Variants in SEMA3A observed in about 807,000 individuals in gnomAD.
SEMA3A encodes the protein semaphorin-3A.
A neutral mutation model predicts 97.9 loss-of-function variants in SEMA3A; 29 were observed. The observed-to-expected ratio is 0.30, with a 90% CI of 0.22 to 0.40. The LOEUF (loss-of-function observed/expected upper bound fraction) is 0.40, where lower values mean the gene tolerates loss of function less well. Ranked by LOEUF, SEMA3A falls within the 10% of genes least tolerant of loss-of-function variation. SEMA3A has a pLI of 1.00. For missense variants in SEMA3A, 763 were observed against 951.3 expected (o/e 0.80, Z 2.60); for synonymous variants, 321 against 323.7 (o/e 0.99, Z 0.09).
In SEMA3A at chr7:84,060,462, C is replaced by T. The variant is rs1157547070; in HGVS notation, c.547+3G>A. ...ACTATTTAATTGATTGTTGACTACG[C>T]ACCTATTAAAAGGGATGCTGTCAGC... On this transcript the variant is annotated splice_donor_region_variant and intron_variant, in intron 5 of 16. Transcript: ENST00000265362. 6.4e-7 allele frequency: 1 copy of T among 1,565,994 alleles called. No homozygotes were observed.
At chr7:83,989,720 T>A (rs60880071) in intron 12 of SEMA3A, among the ~76,000 whole-genome samples, 5,239 of 141,184 alleles carry the variant, frequency 0.037, 300 homozygotes, top group African/African-American at 0.13. Flanking sequence ...TCTATCATTG[T>A]TGGACATTTG....
chr7:84,197,458 A>G (rs1465381793), upstream of SEMA3A, among the ~76,000 whole-genome samples: 1 of 152,236 alleles, frequency 6.6e-6, no homozygotes, highest in African/African-American at 2.4e-5. Flanking sequence ...AAATGAAAGA[A>G]GAAAGTAAAT....
chr7:84,135,236 G>A (rs1002360526), intron 1 of SEMA3A, among the ~76,000 whole-genome samples: 5 of 150,816 alleles, frequency 3.3e-5, no homozygotes, highest in Admixed American at 2.7e-4. Context: ...TCAGCCTCCC[G>A]AGTAGCTGGG....
At chr7:84,370,678 C>T (rs1334409040) in intron 2 of SEMA3A, among the ~76,000 whole-genome samples, 1 of 151,400 alleles carries the variant, frequency 6.6e-6, no homozygotes, top group Admixed American at 6.6e-5. Flanking sequence ...TTGTTTAGAC[C>T]TCAAATATAC....
At chr7:84,328,779 T>TC (rs1801835075) in intron 2 of SEMA3A, among the ~76,000 whole-genome samples, 1 of 151,988 alleles carries the variant, frequency 6.6e-6, no homozygotes, top group Non-Finnish European at 1.5e-5. Flanking sequence ...TGAAATGCAG[T>TC]CTCAGCAGAA....
chr7:84,212,733 T>C (rs1285886111), intron 3 of SEMA3A, among the ~76,000 whole-genome samples: 1 of 152,220 alleles, frequency 6.6e-6, no homozygotes, highest in African/African-American at 2.4e-5. Flanking sequence ...CAATGTGGTG[T>C]GGAAACCAGC....
intron 3 of SEMA3A, among the ~76,000 whole-genome samples, chr7:84,292,354 T>C (rs529936531): frequency 1.3e-4 from 20 of 152,120 alleles, no homozygotes; most frequent in African/African-American, 3.9e-4. Flanking sequence ...AGTTGAAAAA[T>C]TTCTGCTAAG....
At chr7:84,085,998 A>G (rs551820829) in intron 4 of SEMA3A, among the ~76,000 whole-genome samples, 2 of 152,256 alleles carry the variant, frequency 1.3e-5, no homozygotes, top group Non-Finnish European at 2.9e-5. Flanking sequence ...GCTTCCAAAG[A>G]TATGTAGCCA....
At chr7:84,417,946 T>C (rs1224887126) in intron 1 of SEMA3A, among the ~76,000 whole-genome samples, 1 of 152,162 alleles carries the variant, frequency 6.6e-6, no homozygotes, top group Non-Finnish European at 1.5e-5. Context: ...TAAATACTTA[T>C]TTCTCATACC....
chr7:84,426,317 T>TAGAC (rs71732441), intron 1 of SEMA3A, among the ~76,000 whole-genome samples: 7 of 148,614 alleles, frequency 4.7e-5, no homozygotes, highest in Non-Finnish European at 7.5e-5. Flanking sequence ...GATAGATAGA[T>TAGAC]AGACAGACAA....
In SEMA3A at chr7:84,292,008, A is replaced by G. The variant is rs540235758; in HGVS notation, c.-83+15199T>C. On this transcript the variant is annotated intron_variant, in intron 3 of 3. Coordinates refer to the SEMA3A transcript ENST00000424555. The stretch of plus-strand genomic sequence containing the variant: ...TGAGGTCTCTTACCGAATTAGGCAG[A>G]CTTTTTCACTGAAACCCATGGAGCA... Among the ~76,000 whole-genome samples, 12 of 152,282 alleles carry G rather than the reference A, an allele frequency of 7.9e-5. No individual in the cohort carries two copies. The South Asian group carries it at 2.5e-3, about 32-fold the overall frequency.
At chr7:84,330,508 G>C (rs1207691862) in intron 2 of SEMA3A, among the ~76,000 whole-genome samples, 2 of 151,908 alleles carry the variant, frequency 1.3e-5, no homozygotes, top group Non-Finnish European at 2.9e-5. Context: ...GTAAACATTC[G>C]GAAGATATCA....
intron 3 of SEMA3A, among the ~76,000 whole-genome samples, chr7:84,284,286 C>T (rs933123414): frequency 1.4e-4 from 22 of 152,222 alleles, no homozygotes; most frequent in African/African-American, 5.1e-4. Context: ...AAGGGACTAC[C>T]TACTAAAGGA....
At chr7:84,402,030 C>T (rs868486438) in intron 1 of SEMA3A, among the ~76,000 whole-genome samples, 5 of 152,014 alleles carry the variant, frequency 3.3e-5, no homozygotes, top group African/African-American at 1.2e-4. Flanking sequence ...TTCTACACAG[C>T]AAAGGAAACA....
At chr7:84,369,889 T>A (rs1297300697) in intron 2 of SEMA3A, among the ~76,000 whole-genome samples, 1 of 150,940 alleles carries the variant, frequency 6.6e-6, no homozygotes, top group African/African-American at 2.4e-5. Flanking sequence ...GTGAGATAAT[T>A]ATCAACTGAG....
At chr7:83,984,608 C>CTTTTTTTTTTTTTTTTTTTT (rs371082897) in intron 13 of SEMA3A, among the ~76,000 whole-genome samples, 2 of 98,880 alleles carry the variant, frequency 2.0e-5, no homozygotes, top group Non-Finnish European at 3.9e-5. Flanking sequence ...GATTTTTCTG[C>CTTTTTTTTTTTTTTTTTTTT]TTTTTTTTTT....
At position 84,120,571 on chromosome 7, in the gene SEMA3A, T is replaced by A. The variant is rs894989464; in HGVS notation, c.333+8552A>T. On this transcript the variant is annotated intron_variant, in intron 3 of 16. Transcript: ENST00000265362. ...ACAGACATACACAGGTACATACATA[T>A]GAAAATCTATGCTCATAAGATAAGG... 2.0e-5 allele frequency among the ~76,000 whole-genome samples: 3 copies of A among 152,258 alleles called. No individual in the cohort carries two copies. The East Asian group carries it at 5.8e-4, about 29-fold the overall frequency.
chr7:84,423,789 ACT>A (rs1349779268), intron 1 of SEMA3A, among the ~76,000 whole-genome samples: 1 of 152,024 alleles, frequency 6.6e-6, no homozygotes, highest in African/African-American at 2.4e-5. Context: ...TCTACAAGAA[ACT>A]CAAACAAATC....
intron 9 of SEMA3A, among the ~76,000 whole-genome samples, chr7:84,009,611 G>A (rs955201845): frequency 1.3e-5 from 2 of 151,910 alleles, no homozygotes; most frequent in African/African-American, 4.8e-5. Flanking sequence ...TTCTTTATAT[G>A]CATGTAAATG....
Sources: allele counts gnomAD v4.1 joint callset (sites outside exome capture counted in the v4.1 genomes callset), GRCh38; gene constraint gnomAD v4.1.1; transcripts MANE v1.5; gene names NCBI Gene and HGNC (gene_info 2026-07-23, HGNC 2026-07-21).